NCOR2: variants seen among roughly 807,000 people sequenced by gnomAD.
NCOR2 encodes the protein CTG repeat protein 26.
Under a neutral mutation model 262.9 loss-of-function variants are expected in NCOR2, and 81 were observed. The observed-to-expected ratio is 0.31, with a 90% CI of 0.26 to 0.37. The LOEUF (loss-of-function observed/expected upper bound fraction) is 0.37, where lower values mean the gene tolerates loss of function less well. NCOR2 is among the 10% of genes least tolerant of loss of function. The pLI is 1.00. For missense variants in NCOR2, 3,385 were observed against 3,621.4 expected, an observed-to-expected ratio of 0.93 and a Z score of 1.68; for synonymous variants, 1,659 against 1,559.3, an observed-to-expected ratio of 1.06 and a Z score of -1.51.
intron 1 of NCOR2, among the ~76,000 whole-genome samples, chr12:124,505,091 G>A (rs1258191455): frequency 6.6e-6 from 1 of 152,062 alleles, no homozygotes; most frequent in Non-Finnish European, 1.5e-5. Context: ...ATGGCCGGCT[G>A]GAAGTGGGCA....
chr12:124,382,556 C>T (rs1160354888), intron 17 of NCOR2, among the ~76,000 whole-genome samples: 3 of 152,296 alleles, frequency 2.0e-5, no homozygotes, highest in African/African-American at 4.8e-5. Context: ...TCACTTTCAT[C>T]GACACTAGGA....
rs1254665042 is a variant in NCOR2, at chr12:124,531,981, C to T, written c.-118+3584G>A. On this transcript the variant is annotated intron_variant, in intron 1 of 46. Coordinates refer to the NCOR2 transcript ENST00000404621. This position sits in a 1 kb window ranked among gnomAD's most constrained non-coding sequence, Gnocchi z 4.5. ...GGCTCCCACAGCCCCCTTCTAAGGTCCTAGGTCCGCAGGGAAGAGTGTACC... is the reference window on the plus strand; with the variant it reads ...GGCTCCCACAGCCCCCTTCTAAGGTTCTAGGTCCGCAGGGAAGAGTGTACC... Among the ~76,000 whole-genome samples, 1 of 152,086 alleles carries T rather than the reference C, an allele frequency of 6.6e-6. No individual in the cohort carries two copies. The highest frequency in any genetic ancestry group is 2.4e-5 in the African/African-American group (1 of 41,412).
intron 4 of NCOR2, among the ~76,000 whole-genome samples, chr12:124,471,345 A>T (rs2046824212): frequency 6.6e-6 from 1 of 152,178 alleles, no homozygotes; most frequent in Non-Finnish European, 1.5e-5. Context: ...GGAGGGCACT[A>T]GATATGAGCC....
intron 12 of NCOR2, 58 bp from the exon 15 acceptor site, chr12:124,420,113 A>G: frequency 6.9e-7 from 1 of 1,452,092 alleles, no homozygotes; most frequent in Non-Finnish European, 9.6e-7. Flanking sequence ...TCAGGGCAGG[A>G]GCCAGGAGCT....
intron 2 of NCOR2, among the ~76,000 whole-genome samples, chr12:124,485,664 G>A (rs2047733764): frequency 6.6e-6 from 1 of 152,144 alleles, no homozygotes; most frequent in Admixed American, 6.5e-5. Context: ...CACCAGCCCC[G>A]CCTGATCTGG....
intron 7 of NCOR2, among the ~76,000 whole-genome samples, chr12:124,439,186 G>GAA (rs2044634723): frequency 6.6e-6 from 1 of 151,582 alleles, no homozygotes; most frequent in African/African-American, 2.4e-5. Flanking sequence ...CCCAGAGAGA[G>GAA]AGAGACGGAG....
At chr12:124,427,140 G>A (rs1163826799) in intron 10 of NCOR2, among the ~76,000 whole-genome samples, 1 of 152,100 alleles carries the variant, frequency 6.6e-6, no homozygotes, top group Non-Finnish European at 1.5e-5. Context: ...CAGCCCAGCT[G>A]GGCCCAGGGA....
intron 35 of NCOR2, 67 bp from the exon 38 acceptor site, chr12:124,340,510 G>A (rs1350253761): frequency 3.2e-6 from 5 of 1,575,646 alleles, no homozygotes; most frequent in Middle Eastern, 1.7e-4. Context: ...GTCTTCTGGG[G>A]TGGGAAAGAG....
intron 17 of NCOR2, among the ~76,000 whole-genome samples, chr12:124,379,423 T>A (rs549319913): frequency 1.2e-4 from 19 of 152,330 alleles, no homozygotes; most frequent in African/African-American, 4.6e-4. Flanking sequence ...TTGACTGACT[T>A]GCTGAGCAAC....
chr12:124,550,129 T>C (rs1273260491), intron 1 of NCOR2, among the ~76,000 whole-genome samples: 1 of 150,276 alleles, frequency 6.7e-6, no homozygotes, highest in African/African-American at 2.5e-5. Context: ...AGCAGGGGTG[T>C]TGCCCAGAGC....
intron 11 of NCOR2, 28 bp downstream of exon 13, chr12:124,426,594 A>C: frequency 6.5e-7 from 1 of 1,539,946 alleles, no homozygotes; most frequent in Non-Finnish European, 8.8e-7. Flanking sequence ...GGGGGCCGGG[A>C]GGCCAGGCCA....
intron 31 of NCOR2, among the ~76,000 whole-genome samples, chr12:124,346,000 G>T (rs1460096665): frequency 7.1e-6 from 1 of 141,584 alleles, no homozygotes; most frequent in Non-Finnish European, 1.6e-5. Context: ...CCGCCTGGGG[G>T]GACTGGGGCC....
intron 12 of NCOR2, among the ~76,000 whole-genome samples, chr12:124,421,997 T>A (rs1399893845): frequency 6.6e-6 from 1 of 152,172 alleles, no homozygotes; most frequent in Admixed American, 6.5e-5. Context: ...AGGCCACACG[T>A]CTGGTTTGGC....
At chr12:124,339,922 C>A in intron 37 of NCOR2, 84 bp downstream of exon 39, 1 of 1,387,764 alleles carries the variant, frequency 7.2e-7, no homozygotes, top group Non-Finnish European at 9.9e-7. Flanking sequence ...ATATACCTCC[C>A]ACCAAGCATC....
intron 13 of NCOR2, among the ~76,000 whole-genome samples, chr12:124,419,186 T>C (rs2043075743): frequency 6.6e-6 from 1 of 152,192 alleles, no homozygotes; most frequent in African/African-American, 2.4e-5. Context: ...ATTTACTGGA[T>C]ATTTTTTCAA....
At position 124,389,924 on chromosome 12, in the gene NCOR2, T is replaced by C. The variant is rs1352816272; in HGVS notation, c.1877-4037A>G. Among the ~76,000 whole-genome samples the C allele has an allele frequency of 1.3e-5, 2 of 152,152 alleles. No individual in the cohort carries two copies. Among genetic ancestry groups the C allele is most frequent in the African/African-American group, 4.8e-5 (2 of 41,424 alleles). On this transcript the variant is annotated intron_variant, in intron 16 of 46. Coordinates refer to ENST00000405201, the Ensembl canonical transcript of NCOR2. The surrounding 1 kb of genome is among the most constrained non-coding windows in gnomAD (Gnocchi z 4.4). ...GTTGAAAGTTAACTGAGCTGAACTTTGGATCCTAGATTCAGGTCACGACCG... is the reference window on the plus strand; with the variant it reads ...GTTGAAAGTTAACTGAGCTGAACTTCGGATCCTAGATTCAGGTCACGACCG...
intron 22 of NCOR2, among the ~76,000 whole-genome samples, chr12:124,357,836 A>ATG (rs61524879): frequency 0.95 from 141,133 of 147,984 alleles, 67,479 homozygotes; most frequent in Non-Finnish European, 0.99. Flanking sequence ...GTGTATGTGC[A>ATG]TGTGTGTGTG....
Position 124,482,536 on chromosome 12 carries a change from G to A in NCOR2, c.411+1060C>T, listed in dbSNP as rs1454413122. Among the ~76,000 whole-genome samples, 1 of 152,154 alleles carries A rather than the reference G, an allele frequency of 6.6e-6. No homozygotes were observed. Among genetic ancestry groups the A allele is most frequent in the African/African-American group, 2.4e-5 (1 of 41,426 alleles). On this transcript the variant is annotated intron_variant, in intron 3 of 46. Transcript: ENST00000405201. The surrounding 1 kb of genome is among the most constrained non-coding windows in gnomAD (Gnocchi z 6.3). ...GTTCCCACGCATGGGGCCCACAGCCGAGCCCTCTACCCACATGACCAGGTG... is the reference window on the plus strand; with the variant it reads ...GTTCCCACGCATGGGGCCCACAGCCAAGCCCTCTACCCACATGACCAGGTG...
rs1258860873 is a variant in NCOR2, at chr12:124,432,732, AG to A, written c.883-1946del. 6.6e-6 allele frequency among the ~76,000 whole-genome samples: 1 copy of A among 152,110 alleles called. No homozygotes were observed. The highest frequency in any genetic ancestry group is 2.4e-5 in the African/African-American group (1 of 41,440). On this transcript the variant is annotated intron_variant, in intron 8 of 46. Coordinates refer to ENST00000405201, the Ensembl canonical transcript of NCOR2. The surrounding 1 kb of genome is among the most constrained non-coding windows in gnomAD (Gnocchi z 5.1). ...GGGGCTCTGCCTTCCCTCCAAGACA[AG>A]GAAGTCCCTCTCCACATCTAACCAC...
Sources: gnomAD v4.1 joint callset for allele counts (sites outside exome capture counted in the v4.1 genomes callset) on GRCh38, gnomAD v4.1.1 for gene constraint, Gnocchi (gnomAD v3.1) non-coding constraint, MANE v1.5 for transcripts, NCBI Gene and HGNC (gene_info 2026-07-23, HGNC 2026-07-21) for gene names.